The following RBFOX1 variants were observed in gnomAD, a reference collection of about 807,000 sequenced individuals.
The protein encoded by RBFOX1 is RNA binding fox-1 homolog 1.
A neutral mutation model predicts 57.7 loss-of-function variants in RBFOX1; 8 were observed. The observed-to-expected ratio is 0.14, with a 90% CI of 0.08 to 0.25. The LOEUF (loss-of-function observed/expected upper bound fraction) is 0.25. Ranked by LOEUF, RBFOX1 falls within the 10% of genes least tolerant of loss-of-function variation. The pLI, the probability that RBFOX1 is intolerant of heterozygous loss-of-function variation, is 1.00. For synonymous variants in RBFOX1, 326 were observed against 222.4 expected, an observed-to-expected ratio of 1.47 and a Z score of -4.15; for missense variants, 611 against 548.5, an observed-to-expected ratio of 1.11 and a Z score of -1.14.
At chr16:7,040,998 G>A (rs1037597428) in intron 3 of RBFOX1, among the ~76,000 whole-genome samples, 1 of 150,546 alleles carries the variant, frequency 6.6e-6, no homozygotes, top group Non-Finnish European at 1.5e-5. Flanking sequence ...TCATTGCAAC[G>A]TCCACCTCCT....
At chr16:7,285,462 G>T (rs2095632030) in intron 4 of RBFOX1, among the ~76,000 whole-genome samples, 2 of 151,960 alleles carry the variant, frequency 1.3e-5, no homozygotes, top group Admixed American at 6.6e-5. Context: ...ATGTAGGTCT[G>T]TGCATCCAAC....
chr16:6,278,345 C>G, intron 1 of RBFOX1, among the ~76,000 whole-genome samples: 1 of 88,818 alleles, frequency 1.1e-5, no homozygotes, highest in African/African-American at 4.1e-5. Flanking sequence ...TTTTTTTTTT[C>G]GTCTCCAACT....
At chr16:5,402,628 G>A (rs1460258200) in intron 1 of RBFOX1, among the ~76,000 whole-genome samples, 2 of 152,208 alleles carry the variant, frequency 1.3e-5, no homozygotes, top group Non-Finnish European at 2.9e-5. Context: ...TGATTCGCAA[G>A]TAATTATTTC....
At chr16:5,966,734 A>G (rs554234071) in intron 4 of RBFOX1, among the ~76,000 whole-genome samples, 4 of 152,228 alleles carry the variant, frequency 2.6e-5, no homozygotes, top group African/African-American at 7.2e-5. Context: ...AATCATTCAC[A>G]AGAAACCTGT....
At chr16:6,209,373 A>G (rs2097277043) in intron 1 of RBFOX1, among the ~76,000 whole-genome samples, 2 of 144,214 alleles carry the variant, frequency 1.4e-5, no homozygotes, top group Non-Finnish European at 3.0e-5. Context: ...GCCCACCTTC[A>G]GAGAAACTTA....
intron 4 of RBFOX1, among the ~76,000 whole-genome samples, chr16:6,000,641 A>G (rs888069669): frequency 1.3e-5 from 2 of 151,964 alleles, no homozygotes; most frequent in African/African-American, 4.8e-5. Context: ...GGATAGGTGG[A>G]TGGATGAAAG....
intron 3 of RBFOX1, among the ~76,000 whole-genome samples, chr16:5,744,051 C>G (rs770142809): frequency 8.5e-5 from 13 of 152,112 alleles, no homozygotes; most frequent in Non-Finnish European, 1.6e-4. Flanking sequence ...ATCATGTCAC[C>G]AAGGTCTGGG....
At chr16:6,404,419 G>T (rs2093198403) in intron 2 of RBFOX1, among the ~76,000 whole-genome samples, 1 of 152,074 alleles carries the variant, frequency 6.6e-6, no homozygotes, top group Non-Finnish European at 1.5e-5. Flanking sequence ...TGTGATGGTA[G>T]TCCAGGTACT....
intron 2 of RBFOX1, among the ~76,000 whole-genome samples, chr16:6,541,313 C>G (rs367923220): frequency 3.3e-5 from 5 of 152,324 alleles, no homozygotes; most frequent in African/African-American, 1.2e-4. Flanking sequence ...ATAGGTGACT[C>G]TGGCATTCAT....
At chr16:6,708,986 T>TC (rs1033268603) in intron 3 of RBFOX1, among the ~76,000 whole-genome samples, 3 of 152,002 alleles carry the variant, frequency 2.0e-5, no homozygotes, top group African/African-American at 7.2e-5. Flanking sequence ...TTTTCTTTTT[T>TC]TTTTAATCAT....
intron 2 of RBFOX1, among the ~76,000 whole-genome samples, chr16:5,522,156 C>T (rs1013516690): frequency 2.0e-5 from 3 of 152,228 alleles, no homozygotes; most frequent in Admixed American, 1.3e-4. Flanking sequence ...CTCAGCTCCT[C>T]TCCATTTTGA....
intron 4 of RBFOX1, among the ~76,000 whole-genome samples, chr16:5,933,315 C>G (rs2059104918): frequency 6.6e-6 from 1 of 152,210 alleles, no homozygotes; most frequent in East Asian, 1.9e-4. Context: ...CAATTGATTA[C>G]TAAATGCAAT....
chr16:6,731,065 C>T (rs1253354206), intron 3 of RBFOX1, among the ~76,000 whole-genome samples: 1 of 152,132 alleles, frequency 6.6e-6, no homozygotes, highest in Admixed American at 6.5e-5. Context: ...TAAATTCCTA[C>T]CTCAGGAATA....
chr16:6,056,762 C>T (rs1489274571), intron 1 of RBFOX1, among the ~76,000 whole-genome samples: 1 of 152,020 alleles, frequency 6.6e-6, no homozygotes, highest in East Asian at 1.9e-4. Flanking sequence ...AAATCACACT[C>T]CCTTTTGAGT....
At chr16:5,741,026 C>G (rs1258050442) in intron 3 of RBFOX1, among the ~76,000 whole-genome samples, 5 of 152,126 alleles carry the variant, frequency 3.3e-5, no homozygotes, top group African/African-American at 1.2e-4. Context: ...ATGTCTATGT[C>G]TTGGTACTAT....
At chr16:5,652,303 G>A (rs58641377) in intron 3 of RBFOX1, among the ~76,000 whole-genome samples, 2 of 152,164 alleles carry the variant, frequency 1.3e-5, no homozygotes, top group Non-Finnish European at 2.9e-5. Flanking sequence ...CCATGTTACA[G>A]ATGGGAAAGC....
intron 3 of RBFOX1, among the ~76,000 whole-genome samples, chr16:6,765,602 A>T (rs1452468477): frequency 6.6e-6 from 1 of 152,132 alleles, no homozygotes; most frequent in Non-Finnish European, 1.5e-5. Context: ...TTTTTCAAAG[A>T]AGTAAAAGTA....
At chr16:7,549,442 G>T (rs975510747) in intron 5 of RBFOX1, among the ~76,000 whole-genome samples, 3 of 152,164 alleles carry the variant, frequency 2.0e-5, no homozygotes, top group Non-Finnish European at 4.4e-5. Flanking sequence ...TAAAGGGACA[G>T]AACTAATAGG....
chr16:6,309,682 T>G (rs1381737472), intron 1 of RBFOX1, among the ~76,000 whole-genome samples: 1 of 152,040 alleles, frequency 6.6e-6, no homozygotes, highest in Non-Finnish European at 1.5e-5. Context: ...TGTAATATTG[T>G]TAGTCTCTCG....
Sources: allele counts gnomAD v4.1 joint callset (sites outside exome capture counted in the v4.1 genomes callset), GRCh38; gene constraint gnomAD v4.1.1; transcripts MANE v1.5; gene names NCBI Gene and HGNC (gene_info 2026-07-23, HGNC 2026-07-21).